The following DOCK1 variants were observed in gnomAD, a reference collection of about 807,000 sequenced individuals.
DOCK1 encodes dedicator of cytokinesis 1.
A neutral mutation model predicts 262.7 loss-of-function variants in DOCK1; 138 were observed. The observed-to-expected ratio is 0.53, with a 90% CI of 0.46 to 0.61. The LOEUF (loss-of-function observed/expected upper bound fraction) is 0.61. Among genes scored for constraint, DOCK1 ranks in the 20% least tolerant of loss-of-function variants. The probability of loss-of-function intolerance (pLI) is 0.00; values close to 1 mark genes in which losing one functional copy is unlikely to be tolerated. For synonymous variants in DOCK1, 866 were observed against 867.4 expected (o/e 1.00, Z 0.03); for missense variants, 1,908 against 2,370.7 (o/e 0.80, Z 4.05).
intron 38 of DOCK1, among the ~76,000 whole-genome samples, chr10:127,395,499 T>C (rs1363062071): frequency 6.6e-6 from 1 of 152,184 alleles, no homozygotes; most frequent in East Asian, 1.9e-4. Flanking sequence ...GAGACACAAA[T>C]ATTCAGAGCA....
At chr10:127,125,441 T>G (rs762441924) in intron 25 of DOCK1, 33 bp from the exon 26 acceptor site, 5 of 1,610,268 alleles carry the variant, frequency 3.1e-6, no homozygotes, top group Middle Eastern at 2.2e-4. Context: ...TTGGTGGGTT[T>G]CACACTGACT....
intron 27 of DOCK1, among the ~76,000 whole-genome samples, chr10:127,160,000 C>T (rs890796014): frequency 1.3e-5 from 2 of 152,126 alleles, no homozygotes; most frequent in African/African-American, 4.8e-5. Flanking sequence ...AAGATCACTG[C>T]AAGCTTTCTT....
intron 1 of DOCK1, among the ~76,000 whole-genome samples, chr10:126,964,857 C>G (rs1430814224): frequency 6.6e-6 from 1 of 152,226 alleles, no homozygotes; most frequent in African/African-American, 2.4e-5. Context: ...CTGATTAAGT[C>G]TCAGCCTCTG....
At chr10:127,146,246 C>T in intron 27 of DOCK1, 1 of 221,424 alleles carries the variant, frequency 4.5e-6, no homozygotes, top group Non-Finnish European at 9.1e-6. Flanking sequence ...TAGCCTTTCT[C>T]TGCTAATAAA....
chr10:127,069,949 G>A (rs141015431), intron 23 of DOCK1, among the ~76,000 whole-genome samples: 1 of 152,272 alleles, frequency 6.6e-6, no homozygotes, highest in Non-Finnish European at 1.5e-5. Context: ...TGAAATCAGG[G>A]TGGCGGCAGG....
At chr10:126,951,764 G>C (rs2134406149) in intron 1 of DOCK1, among the ~76,000 whole-genome samples, 1 of 152,038 alleles carries the variant, frequency 6.6e-6, no homozygotes, top group Non-Finnish European at 1.5e-5. Context: ...TAAATCAAAT[G>C]GAAACACGCT....
chr10:127,273,902 A>G (rs2060654271), intron 29 of DOCK1, among the ~76,000 whole-genome samples: 1 of 151,784 alleles, frequency 6.6e-6, no homozygotes, highest in Non-Finnish European at 1.5e-5. Flanking sequence ...AATAGCTATT[A>G]GCCTGCAGAT....
chr10:126,995,264 C>T lies in DOCK1; in HGVS notation c.474-1484C>T, dbSNP rs113103260. On this transcript the variant is annotated intron_variant, in intron 6 of 51. Coordinates refer to ENST00000623213, the MANE Select transcript of DOCK1 (RefSeq NM_001290223.2). The surrounding 1 kb of genome is among the most constrained non-coding windows in gnomAD (Gnocchi z 5.8). ...GGCGGCCGGGCAGAGGCTGCAATCT[C>T]GGCACTTTGGGAGGCCAAGGCAGGT... Among the ~76,000 whole-genome samples the T allele has an allele frequency of 0.017, 2,566 of 152,284 alleles. 73 individuals carry two copies. Among genetic ancestry groups the T allele is most frequent in the African/African-American group, 0.058 (2,391 of 41,546 alleles).
chr10:127,311,038 A>T (rs2062045456), intron 29 of DOCK1, among the ~76,000 whole-genome samples: 1 of 152,210 alleles, frequency 6.6e-6, no homozygotes, highest in African/African-American at 2.4e-5. Context: ...AAGATGACAG[A>T]TTGGGCATAA....
chr10:127,060,172 T>C (rs2135810403), intron 22 of DOCK1, among the ~76,000 whole-genome samples: 1 of 152,282 alleles, frequency 6.6e-6, no homozygotes, highest in South Asian at 2.1e-4. Context: ...ATAGAGGTTT[T>C]CGTTTTGGTT....
intron 35 of DOCK1, among the ~76,000 whole-genome samples, chr10:127,378,563 G>T (rs536268122): frequency 1.1e-4 from 16 of 152,306 alleles, no homozygotes; most frequent in African/African-American, 3.8e-4. Flanking sequence ...CCTAGGAAGG[G>T]AACAGGACTC....
chr10:127,323,045 A>G (rs1339481252), intron 29 of DOCK1, among the ~76,000 whole-genome samples: 1 of 151,878 alleles, frequency 6.6e-6, no homozygotes, highest in Non-Finnish European at 1.5e-5. Flanking sequence ...CAAGTTCTGG[A>G]TGATTGATCA....
chr10:127,028,689 G>A (rs2043042813), intron 16 of DOCK1, among the ~76,000 whole-genome samples: 1 of 152,228 alleles, frequency 6.6e-6, no homozygotes, highest in African/African-American at 2.4e-5. Context: ...CAGAGCTTAG[G>A]TTTGAGTTGA....
At chr10:127,024,557 G>A in intron 14 of DOCK1, 128 bp from the exon 15 acceptor site, 3 of 736,404 alleles carry the variant, frequency 4.1e-6, no homozygotes, top group Non-Finnish European at 6.5e-6. Flanking sequence ...CTGGGAACGT[G>A]TTCATTTGTG....
At chr10:127,196,408 C>T (rs1490558005) in intron 27 of DOCK1, among the ~76,000 whole-genome samples, 1 of 148,628 alleles carries the variant, frequency 6.7e-6, no homozygotes, top group African/African-American at 2.4e-5. Flanking sequence ...CAATTGTCTT[C>T]GGCGAGATCT....
At chr10:127,234,024 G>T (rs895067494) in intron 27 of DOCK1, among the ~76,000 whole-genome samples, 1 of 152,050 alleles carries the variant, frequency 6.6e-6, no homozygotes, top group Admixed American at 6.6e-5. Context: ...TGATCCTGAG[G>T]TTAGGAATAC....
At chr10:127,063,262 A>G (rs1591858956) in intron 23 of DOCK1, among the ~76,000 whole-genome samples, 1 of 152,206 alleles carries the variant, frequency 6.6e-6, no homozygotes, top group Non-Finnish European at 1.5e-5. Context: ...CTAGTGTCTT[A>G]AAAATATTTT....
chr10:127,286,869 T>C (rs2061172714), intron 29 of DOCK1, among the ~76,000 whole-genome samples: 1 of 151,856 alleles, frequency 6.6e-6, no homozygotes, highest in African/African-American at 2.4e-5. Context: ...TTTTTTTCTT[T>C]TTTTTTTTCT....
At chr10:127,236,912 C>T (rs749124253) in intron 27 of DOCK1, among the ~76,000 whole-genome samples, 12 of 152,022 alleles carry the variant, frequency 7.9e-5, no homozygotes, top group Non-Finnish European at 1.6e-4. Flanking sequence ...ATGAGGAAAA[C>T]GAGGCTCAGA....
Sources: gnomAD v4.1 joint callset for allele counts (sites outside exome capture counted in the v4.1 genomes callset) on GRCh38, gnomAD v4.1.1 for gene constraint, Gnocchi (gnomAD v3.1) non-coding constraint, MANE v1.5 for transcripts, NCBI Gene and HGNC (gene_info 2026-07-23, HGNC 2026-07-21) for gene names.